The following SHISA9 variants were observed in gnomAD, a reference collection of about 807,000 sequenced individuals.
SHISA9 encodes shisa family member 9.
A neutral mutation model predicts 38.0 loss-of-function variants in SHISA9; 13 were observed. The ratio of observed to expected loss-of-function variants is 0.34; its 90% confidence interval spans 0.22 to 0.54. The LOEUF is 0.54. SHISA9 is among the 20% of genes least tolerant of loss of function. The probability of loss-of-function intolerance (pLI) is 0.91; values close to 1 mark genes in which losing one functional copy is unlikely to be tolerated. For missense variants in SHISA9, 538 were observed against 575.8 expected, an observed-to-expected ratio of 0.93 and a Z score of 0.67; for synonymous variants, 275 against 242.0, an observed-to-expected ratio of 1.14 and a Z score of -1.27.
chr16:13,400,363 A>AAC, the SHISA9 span, among the ~76,000 whole-genome samples: 5,419 of 150,894 alleles, frequency 0.036, 228 homozygotes, highest in African/African-American at 0.1. Flanking sequence ...CCTCTGTTCC[A>AAC]ACACACACAC....
At position 12,901,993 on chromosome 16, in the gene SHISA9, G is replaced by C. The variant is rs1204546224; in HGVS notation, c.-72G>C. On this transcript the variant is annotated 5_prime_UTR_variant, in exon 1 of 5. Coordinates refer to ENST00000558583, the MANE Select transcript of SHISA9 (RefSeq NM_001145204.3). The stretch of plus-strand genomic sequence containing the variant: ...TCCCGGCAGCAGCCTCGGCAGCTTC[G>C]GCCGCGCCTCGAGAGGCGGCCGCAG... The C allele has an allele frequency of 7.8e-7, 1 of 1,278,396 alleles. No individual in the cohort carries two copies. The highest frequency in any genetic ancestry group is 1.0e-6 in the Non-Finnish European group (1 of 1,002,416). The allele number at this position is 1,278,396 out of a possible 1,614,324, so 79.2% of individuals were successfully genotyped here. A position where few individuals can be genotyped will look rare whatever the true frequency, so the allele number is the denominator to read the frequency against.
Position 12,908,680 on chromosome 16 carries a change from A to G in SHISA9, c.563+6053A>G, listed in dbSNP as rs866950306. On this transcript the variant is annotated intron_variant, in intron 1 of 4. Transcript: ENST00000558583. ...CACAGAGAAGTACGCGATGCCCTGC[A>G]AACAACAGCTCATGCATCGGGGCCA... 11 of 1,527,174 alleles carry G rather than the reference A, an allele frequency of 7.2e-6. No individual in the cohort carries two copies. In the Middle Eastern group the frequency reaches 1.8e-3, roughly 249 times the overall value. The allele number at this position is 1,527,174 out of a possible 1,614,324, so 94.6% of individuals were successfully genotyped here. A position where few individuals can be genotyped will look rare whatever the true frequency, so the allele number is the denominator to read the frequency against.
the SHISA9 span, among the ~76,000 whole-genome samples, chr16:13,405,941 CAAA>C: frequency 9.5e-6 from 1 of 105,412 alleles, no homozygotes; most frequent in African/African-American, 3.4e-5. Flanking sequence ...GAAATCATGA[CAAA>C]AAAAAAAAAA....
rs566739088 is a variant in SHISA9, at chr16:13,013,974, C to G, written c.691+97159C>G. On this transcript the variant is annotated intron_variant, in intron 2 of 4. Transcript: ENST00000558583. ...TCGATCTCCTGACCTCGTGATCTGC[C>G]CATCTCTGCCTCCCAAAGTGCTGGG... Among the ~76,000 whole-genome samples the G allele has an allele frequency of 2.0e-5, 3 of 152,204 alleles. No individual in the cohort carries two copies. In the South Asian group the frequency reaches 6.2e-4, roughly 32 times the overall value.
the SHISA9 span, among the ~76,000 whole-genome samples, chr16:13,488,862 C>T: frequency 2.0e-5 from 3 of 152,138 alleles, no homozygotes; most frequent in East Asian, 1.9e-4. Flanking sequence ...CCCGGGCTCA[C>T]GCCATTCTCC....
intron 2 of SHISA9, among the ~76,000 whole-genome samples, chr16:13,052,425 C>G (rs2073263566): frequency 6.6e-6 from 1 of 152,160 alleles, no homozygotes; most frequent in African/African-American, 2.4e-5. Context: ...AGCCCACTGT[C>G]TTGTGAGAGC....
At chr16:13,508,497 G>T in the SHISA9 span, among the ~76,000 whole-genome samples, 2 of 152,102 alleles carry the variant, frequency 1.3e-5, no homozygotes, top group African/African-American at 4.8e-5. Context: ...ACATTTTAAG[G>T]TTTTTTATGC....
At chr16:13,028,902 A>C (rs556142485) in intron 2 of SHISA9, among the ~76,000 whole-genome samples, 2 of 152,274 alleles carry the variant, frequency 1.3e-5, no homozygotes, top group South Asian at 4.2e-4. Context: ...CTTCAAAACT[A>C]CATGGAGTGT....
the SHISA9 span, among the ~76,000 whole-genome samples, chr16:13,401,187 C>T: frequency 1.3e-5 from 2 of 152,210 alleles, no homozygotes; most frequent in Non-Finnish European, 2.9e-5. Context: ...AAGCTCTTTA[C>T]CTCCATTCAC....
intron 2 of SHISA9, among the ~76,000 whole-genome samples, chr16:13,143,002 T>TTATTTTATTTTATTC (rs35128173): frequency 1.3e-5 from 2 of 149,988 alleles, no homozygotes; most frequent in African/African-American, 4.9e-5. Context: ...TTATTTTATT[T>TTATTTTATTTTATTC]TATTTTATTT....
the SHISA9 span, among the ~76,000 whole-genome samples, chr16:13,340,838 G>A: frequency 6.6e-6 from 1 of 152,160 alleles, no homozygotes; most frequent in East Asian, 1.9e-4. Context: ...TGCACATGCT[G>A]TTCCTTCTGC....
At chr16:13,068,237 C>T (rs1229155252) in intron 2 of SHISA9, among the ~76,000 whole-genome samples, 1 of 152,184 alleles carries the variant, frequency 6.6e-6, no homozygotes, top group Non-Finnish European at 1.5e-5. Context: ...TGATGTGGGC[C>T]ATTGAACAGG....
intron 1 of SHISA9, among the ~76,000 whole-genome samples, chr16:12,914,107 G>A (rs1200528459): frequency 6.8e-6 from 1 of 146,388 alleles, no homozygotes; most frequent in East Asian, 2.0e-4. Flanking sequence ...GTGCAATGGC[G>A]CGATCTCGGC....
At chr16:13,260,949 G>A in the SHISA9 span, among the ~76,000 whole-genome samples, 1 of 152,152 alleles carries the variant, frequency 6.6e-6, no homozygotes, top group Non-Finnish European at 1.5e-5. Context: ...TTCTTACATG[G>A]TGGCAGCAAG....
intron 2 of SHISA9, among the ~76,000 whole-genome samples, chr16:12,961,303 G>T (rs943113276): frequency 1.6e-4 from 24 of 152,096 alleles, no homozygotes; most frequent in African/African-American, 5.8e-4. Context: ...ATGGAGAGGT[G>T]AACATAAACA....
At chr16:13,384,215 A>G in the SHISA9 span, among the ~76,000 whole-genome samples, 1 of 152,186 alleles carries the variant, frequency 6.6e-6, no homozygotes, top group African/African-American at 2.4e-5. Context: ...TAGGAACTAC[A>G]TGGGATTAGA....
chr16:13,516,302 T>A, the SHISA9 span, among the ~76,000 whole-genome samples: 1 of 152,172 alleles, frequency 6.6e-6, no homozygotes, highest in Admixed American at 6.5e-5. Context: ...TGAGGCAGAA[T>A]GAAGGTTCAT....
At chr16:13,477,244 A>G in the SHISA9 span, among the ~76,000 whole-genome samples, 21 of 152,226 alleles carry the variant, frequency 1.4e-4, no homozygotes, top group African/African-American at 5.1e-4. Flanking sequence ...ATTTCAATGC[A>G]GTAGACTTAG....
At chr16:13,335,921 T>C in the SHISA9 span, among the ~76,000 whole-genome samples, 1 of 152,228 alleles carries the variant, frequency 6.6e-6, no homozygotes, top group South Asian at 2.1e-4. Context: ...ACAGCCTTTG[T>C]TGGATTAATA....
Sources: gnomAD v4.1 joint callset for allele counts (sites outside exome capture counted in the v4.1 genomes callset) on GRCh38, gnomAD v4.1.1 for gene constraint, MANE v1.5 for transcripts, NCBI Gene and HGNC (gene_info 2026-07-23, HGNC 2026-07-21) for gene names.